The following ATP13A5 variants were observed in gnomAD, a reference collection of about 807,000 sequenced individuals.
ATP13A5 encodes the protein probable cation-transporting ATPase 13A5.
A neutral mutation model predicts 150.2 loss-of-function variants in ATP13A5; 149 were observed. The ratio of observed to expected loss-of-function variants is 0.99; its 90% CI spans 0.87 to 1.14. The LOEUF (loss-of-function observed/expected upper bound fraction) is 1.14. Ranked by LOEUF, ATP13A5 falls within the 50% of genes most tolerant of loss-of-function variation. ATP13A5 has a pLI of 0.00. For missense variants in ATP13A5, 1,383 were observed against 1,449.3 expected, an observed-to-expected ratio of 0.95 and a Z score of 0.74; for synonymous variants, 497 against 522.2, an observed-to-expected ratio of 0.95 and a Z score of 0.66.
At chr3:193,324,771 C>T (rs1274314193) in intron 14 of ATP13A5, 93 bp downstream of exon 14, 2 of 1,401,398 alleles carry the variant, frequency 1.4e-6, no homozygotes, top group Non-Finnish European at 2.0e-6. Flanking sequence ...TATTATGAAC[C>T]TTCTCTGTGT....
intron 27 of ATP13A5, among the ~76,000 whole-genome samples, chr3:193,280,838 T>A (rs1717458308): frequency 6.6e-6 from 1 of 152,110 alleles, no homozygotes; most frequent in South Asian, 2.1e-4. Flanking sequence ...ACAAACTAGG[T>A]TTTCTCTTAC....
chr3:193,353,940 C>T (rs1490830727), intron 6 of ATP13A5, among the ~76,000 whole-genome samples, 187 bp downstream of exon 6: 1 of 151,698 alleles, frequency 6.6e-6, no homozygotes, highest in African/African-American at 2.4e-5. Context: ...GATTATGAGG[C>T]AGGAATCTGT....
chr3:193,321,635 A>G, intron 16 of ATP13A5, 46 bp downstream of exon 16: 1 of 1,600,370 alleles, frequency 6.2e-7, no homozygotes, highest in Non-Finnish European at 8.5e-7. Context: ...TGTCTCAAAG[A>G]AAAAACAAAA....
At chr3:193,352,342 T>C (rs1017390205) in intron 6 of ATP13A5, among the ~76,000 whole-genome samples, 2 of 152,254 alleles carry the variant, frequency 1.3e-5, no homozygotes, top group Non-Finnish European at 2.9e-5. Flanking sequence ...TTGTAGATTA[T>C]GTGCAAATGA....
intron 11 of ATP13A5, among the ~76,000 whole-genome samples, chr3:193,332,454 AT>A (rs1251149067): frequency 6.6e-6 from 1 of 152,130 alleles, no homozygotes; most frequent in Non-Finnish European, 1.5e-5. Flanking sequence ...GGGTTGACTG[AT>A]TGATTGTTTT....
chr3:193,358,842 A>C (rs1001645080), intron 5 of ATP13A5, among the ~76,000 whole-genome samples: 11 of 152,216 alleles, frequency 7.2e-5, no homozygotes, highest in African/African-American at 2.6e-4. Flanking sequence ...TCAGGAATGG[A>C]GATGGGGTAC....
chr3:193,336,813 T>C (rs376373922), intron 9 of ATP13A5, among the ~76,000 whole-genome samples: 4 of 151,274 alleles, frequency 2.6e-5, no homozygotes, highest in Admixed American at 2.6e-4. Flanking sequence ...AATCGCCACA[T>C]TGTCTTCCAC....
chr3:193,274,898 T>C lies in ATP13A5; in HGVS notation c.*144A>G. On this transcript the variant is annotated 3_prime_UTR_variant, in exon 30 of 30. Transcript: ENST00000342358. ...AATAAGCCTATCTAAGGTCCCTTGC[T>C]GCAAGGTTTAATTCATTGAAAATAT... The C allele has an allele frequency of 1.6e-6, 2 of 1,216,602 alleles. No individual in the cohort carries two copies. The highest frequency in any genetic ancestry group is 2.9e-5 in the South Asian group (2 of 67,948). 75.4% of individuals were successfully genotyped at this position (1,216,602 alleles called of 1,614,324 possible).
chr3:193,345,103 A>T, intron 7 of ATP13A5, 28 bp from the exon 8 acceptor site: 1 of 1,596,484 alleles, frequency 6.3e-7, no homozygotes, highest in Non-Finnish European at 8.6e-7. Flanking sequence ...ACATTTAAAC[A>T]TTAGATAGTT....
intron 13 of ATP13A5, 113 bp downstream of exon 13, chr3:193,326,883 A>T: frequency 5.6e-6 from 5 of 889,164 alleles, no homozygotes; most frequent in Non-Finnish European, 5.5e-6. Flanking sequence ...GTTCCAGCCA[A>T]CTATTGTATA....
At chr3:193,326,691 G>T (rs1214347752) in intron 13 of ATP13A5, among the ~76,000 whole-genome samples, 3 of 152,138 alleles carry the variant, frequency 2.0e-5, no homozygotes, top group South Asian at 2.1e-4. Flanking sequence ...CACCCAGGAA[G>T]TTTTGTAGTT....
intron 10 of ATP13A5, 46 bp downstream of exon 10, chr3:193,334,883 C>T (rs1421244842): frequency 1.9e-6 from 3 of 1,568,338 alleles, no homozygotes; most frequent in Admixed American, 1.7e-5. Context: ...CCAACTCTCC[C>T]CATGTTCAAG....
In ATP13A5 at chr3:193,331,230, T is replaced by C. The variant is rs1265810561; in HGVS notation, c.1354A>G (p.Ile452Val). ...CTCTTCTGAGCATACACGTTGCCTA[T>C]GGTCAGGGCAGCTGGCAGCACTGGA... is the stretch of plus-strand genomic sequence containing the variant. Reference protein sequence around the residue: ...VPPVLPAALTIGNVYAQKRLK... With the variant: ...VPPVLPAALTVGNVYAQKRLK... Residue 452 changes from isoleucine to valine, a missense_variant, in exon 12 of 30, where the codon ATA becomes GTA. Transcript: ENST00000342358. The C allele has an allele frequency of 1.9e-6, 3 of 1,614,002 alleles. No individual in the cohort carries two copies. The highest frequency in any genetic ancestry group is 1.7e-5 in the Admixed American group (1 of 60,014).
At chr3:193,341,554 G>T (rs974027161) in intron 9 of ATP13A5, among the ~76,000 whole-genome samples, 1 of 152,076 alleles carries the variant, frequency 6.6e-6, no homozygotes, top group Non-Finnish European at 1.5e-5. Context: ...AGGATCTGCT[G>T]CCCTGTCCAG....
chr3:193,336,037 G>A (rs1460447603), intron 9 of ATP13A5, among the ~76,000 whole-genome samples: 1 of 152,050 alleles, frequency 6.6e-6, no homozygotes, highest in Middle Eastern at 3.2e-3. Context: ...AATTCCATCA[G>A]TCTTTTACTA....
intron 1 of ATP13A5, among the ~76,000 whole-genome samples, chr3:193,373,055 C>A (rs1298110937): frequency 1.3e-5 from 2 of 152,140 alleles, no homozygotes; most frequent in Non-Finnish European, 2.9e-5. Flanking sequence ...AGGGGAAGTT[C>A]TTTATTGGAG....
chr3:193,359,299 G>T lies in ATP13A5; in HGVS notation c.536+3082C>A, dbSNP rs117035397. Among the ~76,000 whole-genome samples, 255 of 152,142 alleles carry T rather than the reference G, an allele frequency of 1.7e-3. 6 individuals carry two copies. The East Asian group carries it at 0.038, about 22-fold the overall frequency. ...TGGTTTCAAAGGGGATAGAGGTCACGGTATATAAGCATGGTTTCTAAATTT... is the reference window on the plus strand; with the variant it reads ...TGGTTTCAAAGGGGATAGAGGTCACTGTATATAAGCATGGTTTCTAAATTT... On this transcript the variant is annotated intron_variant, in intron 5 of 29. Coordinates refer to ENST00000342358, the MANE Select transcript of ATP13A5 (RefSeq NM_198505.4).
rs1249181714 is a variant in ATP13A5 at position 193,344,041 on chromosome 3, C to G, written c.829G>C (p.Glu277Gln). Residue 277 changes from glutamate (E) to glutamine (Q), a missense_variant, in exon 9 of 30, where the codon GAA becomes CAA. Coordinates refer to ENST00000342358, the MANE Select transcript of ATP13A5 (RefSeq NM_198505.4). ...IVKDKGLEEL[E>Q]SRLLVPGDIL... ...TCTCCGGGAACCAAGAGACGGGATT[C>G]CAGCTCCTCCAAACCTACACCAAAG... 12 of 1,612,956 alleles carry G rather than the reference C, an allele frequency of 7.4e-6. No individual in the cohort carries two copies. Among genetic ancestry groups the G allele is most frequent in the Non-Finnish European group, 9.3e-6 (11 of 1,179,404 alleles).
intron 24 of ATP13A5, among the ~76,000 whole-genome samples, chr3:193,299,850 CT>C (rs1278589878): frequency 1.3e-5 from 2 of 152,174 alleles, no homozygotes; most frequent in Non-Finnish European, 2.9e-5. Flanking sequence ...GTCTGTTTAT[CT>C]GTTTCATATC....
Sources: allele counts gnomAD v4.1 joint callset (sites outside exome capture counted in the v4.1 genomes callset), GRCh38; gene constraint gnomAD v4.1.1; transcripts MANE v1.5; gene names NCBI Gene and HGNC (gene_info 2026-07-23, HGNC 2026-07-21).